Variants in BIRC6 observed in about 807,000 individuals in gnomAD.
The protein encoded by BIRC6 is dual E2 ubiquitin-conjugating enzyme/E3 ubiquitin-protein ligase BIRC6.
In BIRC6, 98 loss-of-function variants were observed where a neutral mutation model predicts 503.3. The ratio of observed to expected loss-of-function variants is 0.19; its 90% CI spans 0.17 to 0.23. The LOEUF is 0.23. Among genes scored for constraint, BIRC6 ranks in the 10% least tolerant of loss-of-function variants. The pLI, the probability that BIRC6 is intolerant of heterozygous loss-of-function variation, is 1.00. For synonymous variants in BIRC6, 2,240 were observed against 2,078.7 expected, an observed-to-expected ratio of 1.08 and a Z score of -2.11; for missense variants, 5,360 against 5,806.0, an observed-to-expected ratio of 0.92 and a Z score of 2.50.
intron 72 of BIRC6, among the ~76,000 whole-genome samples, chr2:32,609,903 C>A (rs747075897): frequency 6.6e-6 from 1 of 152,100 alleles, no homozygotes; most frequent in African/African-American, 2.4e-5. Context: ...ACCTAGCTTG[C>A]GTTAAAGGGG....
rs781222642 is a variant in BIRC6, at chr2:32,481,412, A to G, written c.7501A>G (p.Ile2501Val). ...GGAAGTTGACATTGATCCTTTAGAT[A>G]TTGATTTGGAAAAGGACCCTCTTGC... ...LMEVDIDPLDIDLEKDPLAAK... is the reference protein window; with the variant it reads ...LMEVDIDPLDVDLEKDPLAAK... Residue 2501 changes from isoleucine (I) to valine (V), a missense_variant, in exon 38 of 74, where the codon ATT (isoleucine) becomes GTT (valine). Transcript: ENST00000421745. The G allele has an allele frequency of 6.8e-6, 11 of 1,612,236 alleles. No homozygotes were observed. The highest frequency in any genetic ancestry group is 1.7e-5 in the Admixed American group (1 of 59,776).
chr2:32,536,466 C>T (rs1276288145), intron 61 of BIRC6, among the ~76,000 whole-genome samples: 2 of 152,146 alleles, frequency 1.3e-5, no homozygotes, highest in Non-Finnish European at 2.9e-5. Context: ...TTTGATGCAT[C>T]TTGAATTAAT....
At chr2:32,453,637 CCTG>C (rs1480896141) in intron 22 of BIRC6, among the ~76,000 whole-genome samples, 168 bp from the exon 23 acceptor site, 1 of 152,154 alleles carries the variant, frequency 6.6e-6, no homozygotes, top group African/African-American at 2.4e-5. Flanking sequence ...GAAACTCGTG[CCTG>C]CTGTTTTGTC....
chr2:32,554,224 T>A (rs1284756591), intron 65 of BIRC6, among the ~76,000 whole-genome samples: 3 of 152,226 alleles, frequency 2.0e-5, no homozygotes, highest in Non-Finnish European at 4.4e-5. Flanking sequence ...TAGTGGGGTA[T>A]GCTACAAATT....
chr2:32,520,943 G>A (rs1036883799), intron 57 of BIRC6, among the ~76,000 whole-genome samples: 1 of 152,136 alleles, frequency 6.6e-6, no homozygotes, highest in African/African-American at 2.4e-5. Context: ...CAAAATAACT[G>A]AAAATTGAAC....
At chr2:32,556,612 T>C (rs2058796133) in intron 65 of BIRC6, among the ~76,000 whole-genome samples, 1 of 152,170 alleles carries the variant, frequency 6.6e-6, no homozygotes, top group Non-Finnish European at 1.5e-5. Context: ...TATAATTGTT[T>C]TGCAAACTAG....
At position 32,436,034 on chromosome 2, in the gene BIRC6, T is replaced by C. The variant is rs1431731837; in HGVS notation, c.3500-19T>C. The C allele has an allele frequency of 7.5e-7, 1 of 1,324,816 alleles. No individual in the cohort carries two copies. 82.1% of individuals were successfully genotyped at this position (1,324,816 alleles called of 1,614,324 possible). A position where few individuals can be genotyped will look rare whatever the true frequency, so the allele number is the denominator to read the frequency against. ...TAAATGAATGAATTTAAAAGAAAAA[T>C]ATGTATTTTTCTTTTTAGGTCTTAG... On this transcript the variant is annotated intron_variant, in intron 14 of 73. Coordinates refer to ENST00000421745, the MANE Select transcript of BIRC6 (RefSeq NM_016252.4).
At chr2:32,574,160 CTTTTTTTTTTT>C (rs1055060322) in intron 65 of BIRC6, among the ~76,000 whole-genome samples, 1 of 124,684 alleles carries the variant, frequency 8.0e-6, no homozygotes, top group Non-Finnish European at 1.7e-5. Flanking sequence ...ATAACTTTTT[CTTTTTTTTTTT>C]TTTTTTTTGA....
At chr2:32,525,072 T>C (rs1248710715) in intron 58 of BIRC6, 53 bp downstream of exon 58, 11 of 1,371,518 alleles carry the variant, frequency 8.0e-6, no homozygotes, top group South Asian at 3.7e-5. Flanking sequence ...CTATAAAATA[T>C]TAGAATTTTA....
chr2:32,423,891 G>A (rs1558685148), intron 10 of BIRC6, among the ~76,000 whole-genome samples: 1 of 152,188 alleles, frequency 6.6e-6, no homozygotes, highest in Non-Finnish European at 1.5e-5. Flanking sequence ...CTGTCTGTTA[G>A]TCACTTAGTA....
chr2:32,433,050 G>T (rs2044313555), intron 12 of BIRC6, among the ~76,000 whole-genome samples: 1 of 152,132 alleles, frequency 6.6e-6, no homozygotes, highest in Non-Finnish European at 1.5e-5. Context: ...AGAATTTGCT[G>T]ATGTATTGAA....
At chr2:32,613,666 C>A (rs999347485) in intron 73 of BIRC6, among the ~76,000 whole-genome samples, 18 of 152,248 alleles carry the variant, frequency 1.2e-4, no homozygotes, top group African/African-American at 4.1e-4. Flanking sequence ...GACTGATAGA[C>A]TATTAGATCA....
At chr2:32,462,136 A>T (rs1572401066) in intron 23 of BIRC6, among the ~76,000 whole-genome samples, 1 of 152,200 alleles carries the variant, frequency 6.6e-6, no homozygotes, top group South Asian at 2.1e-4. Context: ...CTTTAAAACA[A>T]TGCCACATGG....
Position 32,518,852 on chromosome 2 carries a change from C to T in BIRC6, c.11529C>T (p.Val3843=). ...YKGRINATSH[V]IQHPMYGAGH... is the part of the protein sequence containing the mutation. The stretch of plus-strand genomic sequence containing the variant: ...GTAGAATTAATGCTACTAGCCACGT[C>T]ATCCAGCATCCAATGTATGGAGCAG... Residue 3843 remains valine (V), a synonymous_variant, in exon 57 of 74, where the codon GTC becomes GTT. Coordinates refer to ENST00000421745, the MANE Select transcript of BIRC6 (RefSeq NM_016252.4). The T allele has an allele frequency of 6.2e-7, 1 of 1,613,466 alleles. No homozygotes were observed. Among genetic ancestry groups the T allele is most frequent in the Non-Finnish European group, 8.5e-7 (1 of 1,179,480 alleles).
chr2:32,470,240 T>C lies in BIRC6; in HGVS notation c.6420T>C (p.Asn2140=). ...GTGGAGTATTAGAAAGCTTACTTAA[T>C]CTCTTGGATAATTTATTGTCACCTC... ...SNSGVLESLL[N]LLDNLLSPLQ... The change falls in exon 31 of 74, where the codon AAT becomes AAC. Residue 2140 remains asparagine (N), a synonymous_variant. Transcript: ENST00000421745. The C allele has an allele frequency of 1.3e-6, 2 of 1,572,526 alleles. No homozygotes were observed. Among genetic ancestry groups the C allele is most frequent in the Non-Finnish European group, 1.7e-6 (2 of 1,156,902 alleles).
chr2:32,493,753 T>G, intron 45 of BIRC6, 86 bp downstream of exon 45: 1 of 1,136,724 alleles, frequency 8.8e-7, no homozygotes, highest in Non-Finnish European at 1.2e-6. Flanking sequence ...TTGTTGGGAA[T>G]TTATCTGTGA....
At chr2:32,458,937 G>A (rs571629600) in intron 23 of BIRC6, among the ~76,000 whole-genome samples, 75 of 152,012 alleles carry the variant, frequency 4.9e-4, no homozygotes, top group Non-Finnish European at 8.7e-4. Flanking sequence ...TGATTTGCCT[G>A]CCTCGGCCTC....
At chr2:32,476,001 G>A (rs2149092720) in intron 33 of BIRC6, among the ~76,000 whole-genome samples, 1 of 152,134 alleles carries the variant, frequency 6.6e-6, no homozygotes, top group Admixed American at 6.5e-5. Flanking sequence ...TTACTCCCAT[G>A]GGTAAGGGAG....
chr2:32,494,019 A>G (rs2149365428), intron 45 of BIRC6, among the ~76,000 whole-genome samples: 1 of 152,292 alleles, frequency 6.6e-6, no homozygotes, highest in South Asian at 2.1e-4. Flanking sequence ...AAAACCTGAA[A>G]AATAGAGCTT....
Sources: allele counts gnomAD v4.1 joint callset (sites outside exome capture counted in the v4.1 genomes callset), GRCh38; gene constraint gnomAD v4.1.1; transcripts MANE v1.5; gene names NCBI Gene and HGNC (gene_info 2026-07-23, HGNC 2026-07-21).